The following GBE1 variants were observed in gnomAD, a reference collection of about 807,000 sequenced individuals.
GBE1 encodes the protein 1,4-alpha-glucan branching enzyme 1.
In GBE1, 70 loss-of-function variants were observed where a neutral mutation model predicts 88.8. The ratio of observed to expected loss-of-function variants is 0.79; its 90% CI spans 0.65 to 0.96. The LOEUF (loss-of-function observed/expected upper bound fraction) is 0.96. Among genes scored for constraint, GBE1 ranks in the 40% least tolerant of loss-of-function variants. The pLI, the probability that GBE1 is intolerant of heterozygous loss-of-function variation, is 0.00. For synonymous variants in GBE1, 284 were observed against 300.1 expected (o/e 0.95, Z 0.56); for missense variants, 872 against 871.0 (o/e 1.00, Z -0.01).
At chr3:81,588,264 C>T (rs1703826299) in intron 9 of GBE1, among the ~76,000 whole-genome samples, 2 of 152,072 alleles carry the variant, frequency 1.3e-5, no homozygotes, top group Non-Finnish European at 2.9e-5. Context: ...CCATTTCAAT[C>T]ATTCTATTTA....
chr3:81,522,975 A>T (rs1428014923), intron 14 of GBE1, among the ~76,000 whole-genome samples: 1 of 151,408 alleles, frequency 6.6e-6, no homozygotes, highest in African/African-American at 2.4e-5. Flanking sequence ...AAAATAGAAA[A>T]TTTTCATGTA....
rs1328296506 is a variant in GBE1 at position 81,761,476 on chromosome 3, G to C, written c.42C>G (p.Tyr14Ter). 7 of 1,612,784 alleles carry C rather than the reference G, an allele frequency of 4.3e-6. No individual in the cohort carries two copies. The highest frequency in any genetic ancestry group is 4.2e-6 in the Non-Finnish European group (5 of 1,179,584). ...CCAGGGCGGCATTGAGCGCCGCCTC[G>C]TAGTCCTCGGGCCGAGCCGCGGGAG... ...PMTPAARPED[Y>*]EAALNAALAD... Residue 14 changes from tyrosine (Y) to a stop codon, truncating the protein, a stop_gained, in exon 1 of 16, where the codon TAC (tyrosine) becomes TAG (stop). Transcript: ENST00000429644. LOFTEE classifies it high-confidence loss of function.
chr3:81,730,099 A>C (rs955981888), intron 1 of GBE1, among the ~76,000 whole-genome samples: 2 of 152,122 alleles, frequency 1.3e-5, no homozygotes, highest in Non-Finnish European at 2.9e-5. Context: ...GCTGTGTTAC[A>C]TGACACAACA....
chr3:81,678,040 G>C (rs1157823406), intron 2 of GBE1, among the ~76,000 whole-genome samples: 1 of 152,024 alleles, frequency 6.6e-6, no homozygotes, highest in Non-Finnish European at 1.5e-5. Context: ...CTTAAAAATG[G>C]GGATACATTC....
intron 3 of GBE1, among the ~76,000 whole-genome samples, chr3:81,657,231 A>G (rs1704954643): frequency 6.6e-6 from 1 of 152,128 alleles, no homozygotes; most frequent in Admixed American, 6.6e-5. Context: ...CAAAGATTAG[A>G]CAAAAACAAT....
chr3:81,535,402 TAATA>T, intron 13 of GBE1, 77 bp from the exon 14 acceptor site: 1 of 1,412,616 alleles, frequency 7.1e-7, no homozygotes, highest in Non-Finnish European at 9.5e-7. Context: ...TTGTCTTTCT[TAATA>T]GTCTGGTTAT....
At chr3:81,593,002 G>A (rs1214676954) in intron 8 of GBE1, among the ~76,000 whole-genome samples, 3 of 151,448 alleles carry the variant, frequency 2.0e-5, no homozygotes, top group Non-Finnish European at 2.9e-5. Context: ...TTACAGTCAC[G>A]TTTTTCACCC....
At chr3:81,564,798 T>C (rs1703469695) in intron 12 of GBE1, among the ~76,000 whole-genome samples, 2 of 152,094 alleles carry the variant, frequency 1.3e-5, no homozygotes, top group South Asian at 4.1e-4. Context: ...TCCGGCACAG[T>C]CCAGGTCAAT....
chr3:81,519,491 T>C (rs1441436826), intron 14 of GBE1, among the ~76,000 whole-genome samples: 1 of 151,512 alleles, frequency 6.6e-6, no homozygotes, highest in Non-Finnish European at 1.5e-5. Context: ...AGTATGCTGA[T>C]AAATAATTTA....
At chr3:81,757,929 T>C (rs935343518) in intron 1 of GBE1, among the ~76,000 whole-genome samples, 19 of 152,084 alleles carry the variant, frequency 1.2e-4, no homozygotes, top group African/African-American at 3.9e-4. Context: ...GGGAAGAACC[T>C]TGAAAATCTC....
rs1705387175 is a variant in GBE1 at position 81,683,397 on chromosome 3, T to C, written c.314-12444A>G. On this transcript the variant is annotated intron_variant, in intron 2 of 15. Coordinates refer to ENST00000429644, the MANE Select transcript of GBE1 (RefSeq NM_000158.4). ...CCACATAGTGAGATATATAAAAATT[T>C]AATGCTGAATAGTTAGCTTGCTCAA... Among the ~76,000 whole-genome samples, 14 of 152,200 alleles carry C rather than the reference T, an allele frequency of 9.2e-5. No individual in the cohort carries two copies. The South Asian group carries it at 2.9e-3, about 32-fold the overall frequency.
intron 7 of GBE1, chr3:81,612,260 G>T (rs1299980483): frequency 1.1e-5 from 6 of 552,960 alleles, no homozygotes; most frequent in African/African-American, 6.4e-5. Flanking sequence ...GAAGCTCTCT[G>T]GTTCCTCATG....
intron 15 of GBE1, among the ~76,000 whole-genome samples, chr3:81,492,972 G>A (rs1301846612): frequency 3.3e-5 from 5 of 151,978 alleles, no homozygotes; most frequent in Admixed American, 6.6e-5. Context: ...TCTTGACCTC[G>A]TGATCTGCCT....
chr3:81,516,253 G>A (rs1035541073), intron 14 of GBE1, among the ~76,000 whole-genome samples: 1 of 151,616 alleles, frequency 6.6e-6, no homozygotes, highest in Non-Finnish European at 1.5e-5. Flanking sequence ...TGAAGCCAAT[G>A]TTCATTTACT....
intron 12 of GBE1, among the ~76,000 whole-genome samples, chr3:81,571,686 C>T (rs1703577082): frequency 6.6e-6 from 1 of 152,086 alleles, no homozygotes; most frequent in Non-Finnish European, 1.5e-5. Flanking sequence ...ATAATTTTTA[C>T]TTTAGTTCAA....
At chr3:81,755,501 T>G (rs1466679857) in intron 1 of GBE1, among the ~76,000 whole-genome samples, 2 of 152,166 alleles carry the variant, frequency 1.3e-5, no homozygotes, top group African/African-American at 4.8e-5. Flanking sequence ...AATCAGTATG[T>G]TGAAAAGATA....
intron 1 of GBE1, among the ~76,000 whole-genome samples, chr3:81,758,323 T>C (rs1206057690): frequency 6.6e-6 from 1 of 152,242 alleles, no homozygotes; most frequent in Non-Finnish European, 1.5e-5. Flanking sequence ...TTTGACAATG[T>C]TCACAAATGC....
intron 7 of GBE1, 62 bp from the exon 8 acceptor site, chr3:81,594,085 T>C: frequency 1.4e-6 from 1 of 717,322 alleles, no homozygotes; most frequent in South Asian, 1.9e-5. Flanking sequence ...TTAACTGTTA[T>C]AAATGTTTGC....
Position 81,705,563 on chromosome 3 carries a change from C to T in GBE1, c.194G>A (p.Gly65Asp). ...ATAGCCTCTGGAAAACTTATCAATACCACCTTCATTTTCTCCAATGTTCTT... is the reference window on the plus strand; with the variant it reads ...ATAGCCTCTGGAAAACTTATCAATATCACCTTCATTTTCTCCAATGTTCTT... Reference protein sequence around the residue: ...ILKNIGENEGGIDKFSRGYES... With the variant: ...ILKNIGENEGDIDKFSRGYES... Residue 65 changes from glycine (G) to aspartate (D), a missense_variant, in exon 2 of 16, where the codon GGT becomes GAT. Gly to Asp is a moderately conservative substitution (Grantham distance 94). Transcript: ENST00000429644. 1 of 1,585,628 alleles carries T rather than the reference C, an allele frequency of 6.3e-7. No individual in the cohort carries two copies. Among genetic ancestry groups the T allele is most frequent in the Non-Finnish European group, 8.6e-7 (1 of 1,164,654 alleles).
Sources: gnomAD v4.1 joint callset for allele counts (sites outside exome capture counted in the v4.1 genomes callset) on GRCh38, gnomAD v4.1.1 for gene constraint, MANE v1.5 for transcripts, NCBI Gene and HGNC (gene_info 2026-07-23, HGNC 2026-07-21) for gene names.